PLCB1: variants seen among roughly 807,000 people sequenced by gnomAD.
PLCB1 encodes the protein 1-phosphatidylinositol 4,5-bisphosphate phosphodiesterase beta-1.
In PLCB1, 46 loss-of-function variants were observed where a neutral mutation model predicts 161.8. The ratio of observed to expected loss-of-function variants is 0.28; its 90% CI spans 0.22 to 0.36. The LOEUF (loss-of-function observed/expected upper bound fraction) is 0.36, where lower values mean the gene tolerates loss of function less well. Among genes scored for constraint, PLCB1 ranks in the 10% least tolerant of loss-of-function variants. PLCB1 has a pLI of 1.00. For missense variants in PLCB1, 1,016 were observed against 1,472.5 expected, an observed-to-expected ratio of 0.69 and a Z score of 5.07; for synonymous variants, 517 against 503.7, an observed-to-expected ratio of 1.03 and a Z score of -0.35.
intron 31 of PLCB1, among the ~76,000 whole-genome samples, chr20:8,817,380 G>A (rs2146259678): frequency 6.6e-6 from 1 of 152,046 alleles, no homozygotes; most frequent in South Asian, 2.1e-4. Flanking sequence ...TAGAATAGAG[G>A]AGGAAAAAAT....
intron 3 of PLCB1, among the ~76,000 whole-genome samples, chr20:8,578,286 T>C (rs1986736212): frequency 6.6e-6 from 1 of 152,230 alleles, no homozygotes; most frequent in South Asian, 2.1e-4. Flanking sequence ...GTATAATACA[T>C]TCTCTCCAGG....
At chr20:8,866,172 A>G (rs1987422217) in intron 31 of PLCB1, among the ~76,000 whole-genome samples, 1 of 152,176 alleles carries the variant, frequency 6.6e-6, no homozygotes, top group Non-Finnish European at 1.5e-5. Context: ...TTACATCACC[A>G]CACTTACGTG....
chr20:8,359,361 ATTATT>A (rs1986466555), intron 2 of PLCB1, among the ~76,000 whole-genome samples: 1 of 152,076 alleles, frequency 6.6e-6, no homozygotes, highest in Non-Finnish European at 1.5e-5. Context: ...TAGTTTTTTT[ATTATT>A]TTAATGAAAG....
chr20:8,283,687 A>G (rs1982984959), intron 2 of PLCB1, among the ~76,000 whole-genome samples: 1 of 151,982 alleles, frequency 6.6e-6, no homozygotes, highest in Non-Finnish European at 1.5e-5. Flanking sequence ...GTGGTGTAAA[A>G]TTATACTCCC....
chr20:8,831,009 C>A (rs1985953913), intron 31 of PLCB1, among the ~76,000 whole-genome samples: 1 of 152,192 alleles, frequency 6.6e-6, no homozygotes, highest in African/African-American at 2.4e-5. Context: ...ACAGCCATAT[C>A]AGATTGCATT....
chr20:8,604,595 A>C (rs918922436), intron 3 of PLCB1, among the ~76,000 whole-genome samples: 2 of 152,202 alleles, frequency 1.3e-5, no homozygotes, highest in African/African-American at 4.8e-5. Context: ...ACAGTTTTCA[A>C]CTACAAGCAA....
At chr20:8,523,486 C>CCATATATATATA (rs1341360626) in intron 3 of PLCB1, among the ~76,000 whole-genome samples, 1 of 61,182 alleles carries the variant, frequency 1.6e-5, no homozygotes, top group African/African-American at 9.0e-5. Flanking sequence ...CTCTCTCTCT[C>CCATATATATATA]TCTCTCTCTC....
At chr20:8,641,119 T>C (rs1292486033) in intron 4 of PLCB1, among the ~76,000 whole-genome samples, 1 of 152,210 alleles carries the variant, frequency 6.6e-6, no homozygotes, top group Admixed American at 6.5e-5. Context: ...TATGTCTACA[T>C]AGCCAACATA....
intron 3 of PLCB1, among the ~76,000 whole-genome samples, chr20:8,506,463 A>G (rs1183557256): frequency 6.6e-6 from 1 of 152,210 alleles, no homozygotes; most frequent in Non-Finnish European, 1.5e-5. Context: ...CTAAACAGCT[A>G]GCAAAGAACT....
intron 27 of PLCB1, among the ~76,000 whole-genome samples, chr20:8,784,722 C>T (rs1178521694): frequency 6.6e-6 from 1 of 152,136 alleles, no homozygotes; most frequent in African/African-American, 2.4e-5. Flanking sequence ...TAGGGAAACA[C>T]CATTTTCATT....
chr20:8,737,224 C>T (rs1980629387), intron 20 of PLCB1, 32 bp downstream of exon 20: 2 of 1,552,826 alleles, frequency 1.3e-6, no homozygotes, highest in Admixed American at 1.8e-5. Flanking sequence ...TGAGTTATAA[C>T]TGCATTTTTC....
chr20:8,760,204 CTAA>C (rs1445548732), intron 24 of PLCB1, among the ~76,000 whole-genome samples, 200 bp from the exon 25 acceptor site: 1 of 152,082 alleles, frequency 6.6e-6, no homozygotes, highest in Non-Finnish European at 1.5e-5. Flanking sequence ...TGCACCTGGC[CTAA>C]TGTTACATTT....
intron 2 of PLCB1, among the ~76,000 whole-genome samples, chr20:8,246,558 A>T (rs1217788989): frequency 6.6e-6 from 1 of 151,940 alleles, no homozygotes; most frequent in Non-Finnish European, 1.5e-5. Context: ...CAACCACCTG[A>T]TGGGAATTAC....
At chr20:8,556,653 TTGGG>T (rs1437292011) in intron 3 of PLCB1, among the ~76,000 whole-genome samples, 5 of 110,578 alleles carry the variant, frequency 4.5e-5, no homozygotes, top group African/African-American at 1.8e-4. Context: ...TAGGAGAGGG[TTGGG>T]TGTGTGTGTG....
intron 2 of PLCB1, among the ~76,000 whole-genome samples, chr20:8,195,597 G>A (rs1382020315): frequency 3.3e-5 from 5 of 151,930 alleles, no homozygotes; most frequent in Admixed American, 2.6e-4. Flanking sequence ...TTAAGTAAAC[G>A]AGAGACCTAA....
chr20:8,460,249 T>G (rs140511215), intron 3 of PLCB1, among the ~76,000 whole-genome samples: 266 of 152,300 alleles, frequency 1.7e-3, no homozygotes, highest in African/African-American at 6.0e-3. Flanking sequence ...AGTATCACTC[T>G]AAAGGGACTC....
intron 1 of PLCB1, among the ~76,000 whole-genome samples, chr20:8,144,284 G>A (rs968078078): frequency 6.6e-6 from 1 of 152,144 alleles, no homozygotes; most frequent in South Asian, 2.1e-4. Context: ...CCCCCACTAA[G>A]CCAGGAGCAC....
rs555380489 is a variant in PLCB1 at position 8,457,271 on chromosome 20, G to A, written c.246+85821G>A. ...ACATGAGCTTTGCAGGGGTCATCTTGGCCTCCTGTCCCACCTCCACCACTT... is the reference window on the plus strand; with the variant it reads ...ACATGAGCTTTGCAGGGGTCATCTTAGCCTCCTGTCCCACCTCCACCACTT... On this transcript the variant is annotated intron_variant, in intron 3 of 31. Transcript: ENST00000338037. Among the ~76,000 whole-genome samples the A allele has an allele frequency of 2.6e-5, 4 of 152,136 alleles. No individual in the cohort carries two copies. In the East Asian group the frequency reaches 7.7e-4, roughly 29 times the overall value.
chr20:8,525,691 A>G (rs1011536183), intron 3 of PLCB1, among the ~76,000 whole-genome samples: 10 of 152,150 alleles, frequency 6.6e-5, no homozygotes, highest in African/African-American at 2.2e-4. Context: ...AGAACTTTAA[A>G]GAAAAATCAA....
Sources: gnomAD v4.1 joint callset for allele counts (sites outside exome capture counted in the v4.1 genomes callset) on GRCh38, gnomAD v4.1.1 for gene constraint, MANE v1.5 for transcripts, NCBI Gene and HGNC (gene_info 2026-07-23, HGNC 2026-07-21) for gene names.